CHRNE: variants seen among roughly 807,000 people sequenced by gnomAD.
CHRNE encodes the protein acetylcholine receptor subunit epsilon.
In CHRNE, 58 loss-of-function variants were observed where a neutral mutation model predicts 56.5. That is an observed-to-expected ratio of 1.03 (90% CI 0.83 to 1.28). The LOEUF (loss-of-function observed/expected upper bound fraction) is 1.28. Ranked by LOEUF, CHRNE falls within the 50% of genes most tolerant of loss-of-function variation. CHRNE has a pLI of 0.00. For missense variants in CHRNE, 793 were observed against 688.9 expected (o/e 1.15, Z -1.69); for synonymous variants, 385 against 297.9 (o/e 1.29, Z -3.01).
intron 8 of CHRNE, chr17:4,900,446 G>T (rs1175315685): frequency 6.4e-7 from 1 of 1,551,112 alleles, no homozygotes; most frequent in Non-Finnish European, 8.7e-7. Flanking sequence ...GTCTGCAGGG[G>T]TCTGCCTCAT....
At chr17:4,908,074 G>C (rs1446907323), upstream of CHRNE, among the ~76,000 whole-genome samples, 1 of 152,122 alleles carries the variant, frequency 6.6e-6, no homozygotes, top group Non-Finnish European at 1.5e-5. Context: ...GGAGGCTGAG[G>C]CAGGAGAATC....
Position 4,899,220 on chromosome 17 carries a change from C to T in CHRNE, c.1197G>A (p.Arg399=), listed in dbSNP as rs867064180. 2.5e-6 allele frequency: 4 copies of T among 1,606,346 alleles called. No individual in the cohort carries two copies. Among genetic ancestry groups the T allele is most frequent in the Middle Eastern group, 1.7e-4 (1 of 6,056 alleles). Residue 399 remains arginine, a synonymous_variant, in exon 10 of 12, where the codon AGG becomes AGA. Coordinates refer to ENST00000649488, the MANE Select transcript of CHRNE (RefSeq NM_000080.4). ...PRSELVFEGQ[R]HRQGTWTAAF... ...CACCCGTCCAGGTCCCCTGCCGGTG[C>T]CTCTGCCCCTCAAACACGAGCTCGC...
At position 4,898,713 on chromosome 17, in the gene CHRNE, T is replaced by G; in HGVS notation, c.*23A>C. The G allele has an allele frequency of 6.2e-7, 1 of 1,603,336 alleles. No individual in the cohort carries two copies. The highest frequency in any genetic ancestry group is 8.5e-7 in the Non-Finnish European group (1 of 1,175,726). ...AAATCAATTTCCTACTGGAGATGGG[T>G]GGGAAATTGAAGTCGGTGCGAGCTA... is the stretch of plus-strand genomic sequence containing the variant. On this transcript the variant is annotated 3_prime_UTR_variant, in exon 12 of 12. Coordinates refer to ENST00000649488, the MANE Select transcript of CHRNE (RefSeq NM_000080.4).
intron 5 of CHRNE, 140 bp from the exon 6 acceptor site, chr17:4,901,765 T>G (rs2151097994): frequency 8.2e-7 from 1 of 1,217,210 alleles, no homozygotes; most frequent in East Asian, 2.4e-5. Flanking sequence ...CACGCCTCTG[T>G]TCCCATCTGT....
chr17:4,907,194 T>C (rs990044573), upstream of CHRNE, among the ~76,000 whole-genome samples: 31 of 151,750 alleles, frequency 2.0e-4, no homozygotes, highest in Non-Finnish European at 3.8e-4. Context: ...AAGAGTGTAA[T>C]TGCATGGTTG....
chr17:4,902,060 G>C lies in CHRNE; in HGVS notation c.372C>G (p.Tyr124Ter), dbSNP rs894382905. Reference protein sequence around the residue: ...NNIDGQFGVAYDANVLVYEGG... With the variant: ...NNIDGQFGVA The stretch of plus-strand genomic sequence containing the variant: ...CCTCGTAGACGAGCACGTTGGCGTC[G>C]TAGGCCACTCCGAACTGGCCATCAA... Residue 124 changes from tyrosine (Y) to a stop codon, truncating the protein, a stop_gained, in exon 5 of 12, where the codon TAC becomes TAG. Coordinates refer to ENST00000649488, the MANE Select transcript of CHRNE (RefSeq NM_000080.4). LOFTEE classifies it high-confidence loss of function. The surrounding 1 kb of genome is among the most constrained non-coding windows in gnomAD (Gnocchi z 4.0). The C allele has an allele frequency of 1.2e-6, 2 of 1,614,058 alleles. No homozygotes were observed. Among genetic ancestry groups the C allele is most frequent in the Non-Finnish European group, 8.5e-7 (1 of 1,180,040 alleles).
Position 4,898,752 on chromosome 17 carries a change from G to A in CHRNE, c.1466C>T (p.Pro489Leu), listed in dbSNP as rs575920043. The change falls in exon 12 of 12, where the codon CCG becomes CTG. Residue 489 changes from proline to leucine, a missense_variant. By Grantham distance (98) the Pro-to-Leu change is moderately conservative. Coordinates refer to ENST00000649488, the MANE Select transcript of CHRNE (RefSeq NM_000080.4). ...FNRVPDLPYA[P>L]CIQP ...CGGTGCGAGCTAAGGCTGGATACAC[G>A]GCGCGTAGGGGAGATCAGGCACTCG... 22 of 1,610,814 alleles carry A rather than the reference G, an allele frequency of 1.4e-5. No individual in the cohort carries two copies. The highest frequency in any genetic ancestry group is 1.6e-4 in the Middle Eastern group (1 of 6,082).
Position 4,903,010 on chromosome 17 carries a change from G to A in CHRNE, c.46+8C>T, listed in dbSNP as rs371778870. On this transcript the variant is annotated splice_region_variant and intron_variant, in intron 1 of 11. Coordinates refer to ENST00000649488, the MANE Select transcript of CHRNE (RefSeq NM_000080.4). ...GTGTCCAATTGCCCCTCTAGCCCCT[G>A]TCCGTACCGAGAAGCCCCAAGAGGA... 118 of 1,613,928 alleles carry A rather than the reference G, an allele frequency of 7.3e-5. No homozygotes were observed. Among genetic ancestry groups the A allele is most frequent in the Non-Finnish European group, 9.5e-5 (112 of 1,179,996 alleles).
chr17:4,903,678 G>A (rs1476128004), upstream of CHRNE, among the ~76,000 whole-genome samples: 1 of 152,006 alleles, frequency 6.6e-6, no homozygotes, highest in African/African-American at 2.4e-5. Context: ...CAACCTGATC[G>A]CCAGGTTTGC....
chr17:4,901,893 C>CT, intron 5 of CHRNE, 39 bp downstream of exon 5: 1 of 1,607,596 alleles, frequency 6.2e-7, no homozygotes, highest in Non-Finnish European at 8.5e-7. Context: ...GGCCCCCCCC[C>CT]AACAATAATC....
intron 8 of CHRNE, chr17:4,899,912 T>G (rs1261349570): frequency 1.3e-6 from 2 of 1,549,708 alleles, no homozygotes; most frequent in South Asian, 2.4e-5. Context: ...GCCCTGCTAC[T>G]CTACTGCTCT....
Position 4,899,467 on chromosome 17 carries a change from C to T in CHRNE, c.1032+1G>A, listed in dbSNP as rs1458613529. On this transcript the variant is annotated splice_donor_variant, in intron 9 of 11. Transcript: ENST00000649488. LOFTEE classifies it high-confidence loss of function. ...GGCTGCACCGCCCCCTCCGCGCTTA[C>T]GTGGCGCAGCCGCGGGGACATGGCG... 3.8e-6 allele frequency: 6 copies of T among 1,587,060 alleles called. No homozygotes were observed. The highest frequency in any genetic ancestry group is 5.1e-6 in the Non-Finnish European group (6 of 1,168,216).
chr17:4,899,347 G>T lies in CHRNE; in HGVS notation c.1070C>A (p.Pro357Gln). The T allele has an allele frequency of 6.5e-7, 1 of 1,542,660 alleles. No individual in the cohort carries two copies. Among genetic ancestry groups the T allele is most frequent in the Non-Finnish European group, 8.7e-7 (1 of 1,150,272 alleles). Residue 357 changes from proline (P) to glutamine (Q), a missense_variant, in exon 10 of 12, where the codon CCG (proline) becomes CAG (glutamine). By Grantham distance (76) the Pro-to-Gln change is moderately conservative. Coordinates refer to ENST00000649488, the MANE Select transcript of CHRNE (RefSeq NM_000080.4). The stretch of plus-strand genomic sequence containing the variant: ...GGCCCGGGGGGCCTCGGGCGGCGGC[G>T]GGGAGCCCAGGAGGCGCGGCAGCAG... ...LELLPRLLGS[P>Q]PPPEAPRAAS...
rs748517215 is a variant in CHRNE, at chr17:4,901,518, G to C, written c.601+7C>G. 1 of 1,613,498 alleles carries C rather than the reference G, an allele frequency of 6.2e-7. No individual in the cohort carries two copies. The highest frequency in any genetic ancestry group is 1.1e-5 in the South Asian group (1 of 91,070). Reference sequence around the variant, plus strand: ...AGCGGGTTTTTCTGAGCAGGCAGGGGCTTCACCAGTATAGGCCTCTGTGTC... The same window carrying C: ...AGCGGGTTTTTCTGAGCAGGCAGGGCCTTCACCAGTATAGGCCTCTGTGTC... On this transcript the variant is annotated splice_region_variant and intron_variant, in intron 6 of 11. Transcript: ENST00000649488.
chr17:4,900,157 G>A (rs1969929501), intron 8 of CHRNE: 2 of 1,548,462 alleles, frequency 1.3e-6, no homozygotes, highest in East Asian at 2.4e-5. Flanking sequence ...TGGGGTACTG[G>A]GGGGCTTAGG....
At chr17:4,907,205 G>T (rs1970101211), upstream of CHRNE, among the ~76,000 whole-genome samples, 3 of 151,838 alleles carry the variant, frequency 2.0e-5, no homozygotes, top group African/African-American at 7.3e-5. Flanking sequence ...TGCATGGTTG[G>T]TAACTTAAAG....
chr17:4,906,775 CTG>C (rs1205667151), upstream of CHRNE, among the ~76,000 whole-genome samples: 1 of 151,348 alleles, frequency 6.6e-6, no homozygotes, highest in Non-Finnish European at 1.5e-5. Context: ...AGAGAGAAAA[CTG>C]TTTAAAAAAA....
intron 5 of CHRNE, 56 bp from the exon 6 acceptor site, chr17:4,901,681 CAG>C (rs1969990400): frequency 6.5e-7 from 1 of 1,531,972 alleles, no homozygotes; most frequent in Admixed American, 1.7e-5. Context: ...GCCCCGGCCT[CAG>C]GCCCAGCCCT....
Position 4,901,015 on chromosome 17 carries a change from C to A in CHRNE, c.777G>T (p.Leu259=), listed in dbSNP as rs752148595. ...VPCVLISGLV[L]LAYFLPAQAG... is the part of the protein sequence containing the mutation. ...CCTGCGCCGGCAGGAAGTAGGCGAG[C>A]AGCACCAGGCCCGAGATGAGCACAC... Residue 259 remains leucine (L), a synonymous_variant, in exon 7 of 12, where the codon CTG becomes CTT. Transcript: ENST00000649488. 3.7e-6 allele frequency: 6 copies of A among 1,613,972 alleles called. No individual in the cohort carries two copies. Among genetic ancestry groups the A allele is most frequent in the Non-Finnish European group, 5.1e-6 (6 of 1,179,906 alleles).
Sources: gnomAD v4.1 joint callset for allele counts (sites outside exome capture counted in the v4.1 genomes callset) on GRCh38, gnomAD v4.1.1 for gene constraint, Gnocchi (gnomAD v3.1) non-coding constraint, MANE v1.5 for transcripts, NCBI Gene and HGNC (gene_info 2026-07-23, HGNC 2026-07-21) for gene names.